Variants in ULK4 observed in about 807,000 individuals in gnomAD.
ULK4 encodes inactive serine/threonine-protein kinase ULK4.
Under a neutral mutation model 160.6 loss-of-function variants are expected in ULK4, and 133 were observed. The ratio of observed to expected loss-of-function variants is 0.83; its 90% confidence interval spans 0.72 to 0.96. ULK4 has a LOEUF of 0.96. Among genes scored for constraint, ULK4 ranks in the 40% least tolerant of loss-of-function variants. The pLI, the probability that ULK4 is intolerant of heterozygous loss-of-function variation, is 0.00. For synonymous variants in ULK4, 534 were observed against 539.8 expected, an observed-to-expected ratio of 0.99 and a Z score of 0.15; for missense variants, 1,580 against 1,499.5, an observed-to-expected ratio of 1.05 and a Z score of -0.89.
At chr3:41,753,729 C>T in intron 22 of ULK4, among the ~76,000 whole-genome samples, 1 of 152,212 alleles carries the variant, frequency 6.6e-6, no homozygotes, top group Non-Finnish European at 1.5e-5. Flanking sequence ...AAGGTACAAA[C>T]AAGAAACATC....
intron 31 of ULK4, among the ~76,000 whole-genome samples, chr3:41,613,685 C>G (rs2125680096): frequency 6.6e-6 from 1 of 152,264 alleles, no homozygotes; most frequent in East Asian, 1.9e-4. Context: ...TTATTCAACT[C>G]AAAAAAGACA....
intron 35 of ULK4, among the ~76,000 whole-genome samples, chr3:41,378,900 TTGTGGGGACATGGA>T: frequency 6.6e-6 from 1 of 152,214 alleles, no homozygotes; most frequent in Non-Finnish European, 1.5e-5. Context: ...TTCAAGTCCT[TTGTGGGGACATGGA>T]TGAAGCTGGA....
At chr3:41,795,416 TCTACTC>T (rs2040273884) in intron 20 of ULK4, among the ~76,000 whole-genome samples, 1 of 152,160 alleles carries the variant, frequency 6.6e-6, no homozygotes, top group Non-Finnish European at 1.5e-5. Context: ...ACCTCTGCCC[TCTACTC>T]ACACGTAGGG....
chr3:41,254,094 C>A (rs1166269264), intron 35 of ULK4, among the ~76,000 whole-genome samples: 1 of 152,120 alleles, frequency 6.6e-6, no homozygotes, highest in Non-Finnish European at 1.5e-5. Flanking sequence ...GATAAGTAGA[C>A]AAAAATCAGC....
At chr3:41,388,884 G>T (rs530767295) in intron 35 of ULK4, among the ~76,000 whole-genome samples, 34 of 152,068 alleles carry the variant, frequency 2.2e-4, no homozygotes, top group Non-Finnish European at 4.1e-4. Flanking sequence ...ATATGAACTT[G>T]AAAGTAGTTT....
At chr3:41,810,063 G>A (rs1389926616) in intron 19 of ULK4, among the ~76,000 whole-genome samples, 1 of 152,016 alleles carries the variant, frequency 6.6e-6, no homozygotes, top group Non-Finnish European at 1.5e-5. Context: ...CTCCACTATA[G>A]GTCTAATTCT....
At chr3:41,313,459 C>A (rs1575423243) in intron 35 of ULK4, among the ~76,000 whole-genome samples, 1 of 152,168 alleles carries the variant, frequency 6.6e-6, no homozygotes, top group Admixed American at 6.5e-5. Context: ...TATTAACATT[C>A]TTAAAGAATA....
At chr3:41,751,544 C>G (rs2038628663) in intron 22 of ULK4, among the ~76,000 whole-genome samples, 1 of 152,164 alleles carries the variant, frequency 6.6e-6, no homozygotes, top group African/African-American at 2.4e-5. Context: ...GAGTGGAGGT[C>G]AGTGTCAGGG....
At chr3:41,858,670 A>ATTTTT (rs755950925) in intron 17 of ULK4, among the ~76,000 whole-genome samples, 6 of 133,354 alleles carry the variant, frequency 4.5e-5, no homozygotes, top group East Asian at 2.2e-4. Flanking sequence ...TTTTTGTGTG[A>ATTTTT]TTTTTTTTTT....
intron 21 of ULK4, among the ~76,000 whole-genome samples, chr3:41,756,995 G>C (rs2038825447): frequency 1.3e-5 from 2 of 152,106 alleles, no homozygotes; most frequent in African/African-American, 2.4e-5. Flanking sequence ...CGTGAGAAAT[G>C]TAAATACAAA....
rs1227164933 is a variant in ULK4 at position 41,446,571 on chromosome 3, T to C, written c.3492+8926A>G. Among the ~76,000 whole-genome samples, 4 of 152,076 alleles carry C rather than the reference T, an allele frequency of 2.6e-5. No homozygotes were observed. In the East Asian group the frequency reaches 5.8e-4, roughly 22 times the overall value. On this transcript the variant is annotated intron_variant, in intron 34 of 36. Transcript: ENST00000301831. ...ATAAAAAAGGATGAGTTCATGTCCTTTGTAGGGACATGGATGAAGCTGGAA... is the reference window on the plus strand; with the variant it reads ...ATAAAAAAGGATGAGTTCATGTCCTCTGTAGGGACATGGATGAAGCTGGAA...
At chr3:41,618,596 G>C (rs932668341) in intron 30 of ULK4, among the ~76,000 whole-genome samples, 1 of 152,098 alleles carries the variant, frequency 6.6e-6, no homozygotes, top group East Asian at 1.9e-4. Context: ...TCACTACCAG[G>C]CCTGCTTTAC....
chr3:41,913,147 AG>A (rs948357744), intron 8 of ULK4: 18 of 312,926 alleles, frequency 5.8e-5, no homozygotes, highest in African/African-American at 3.2e-4. Flanking sequence ...TAGAAGTTTC[AG>A]GGTTCAAATT....
Position 41,896,724 on chromosome 3 carries a change from T to A in ULK4, c.1530+98A>T, listed in dbSNP as rs796779753. On this transcript the variant is annotated intron_variant, in intron 15 of 36. Coordinates refer to ENST00000301831, the MANE Select transcript of ULK4 (RefSeq NM_017886.4). ...AAACCTAAAATCGTGATAAATCAGT[T>A]TTTTTGTGGTAGTTAAATCAAATTG... The A allele has an allele frequency of 7.4e-6, 10 of 1,359,260 alleles. No homozygotes were observed. The African/African-American group carries it at 1.4e-4, about 20-fold the overall frequency. 84.2% of individuals were successfully genotyped at this position (1,359,260 alleles called of 1,614,324 possible).
intron 1 of ULK4, 149 bp from the exon 2 acceptor site, chr3:41,954,956 G>C: frequency 1.8e-6 from 1 of 567,980 alleles, no homozygotes; most frequent in South Asian, 2.6e-5. Context: ...AAATACTAAT[G>C]CTGATATTTT....
At chr3:41,412,332 T>C (rs547488780) in intron 34 of ULK4, among the ~76,000 whole-genome samples, 2 of 151,764 alleles carry the variant, frequency 1.3e-5, no homozygotes, top group South Asian at 2.1e-4. Flanking sequence ...TAACTTGATG[T>C]TGTTCCCAAT....
At chr3:41,613,371 A>G (rs887464048) in intron 31 of ULK4, among the ~76,000 whole-genome samples, 2 of 152,202 alleles carry the variant, frequency 1.3e-5, no homozygotes, top group African/African-American at 4.8e-5. Flanking sequence ...TTTTTATAAT[A>G]TATCACTTTT....
intron 35 of ULK4, among the ~76,000 whole-genome samples, chr3:41,328,085 T>C (rs1278744489): frequency 1.3e-5 from 2 of 152,100 alleles, no homozygotes; most frequent in Non-Finnish European, 2.9e-5. Flanking sequence ...TGCAAAATGA[T>C]CTGAAGAGTG....
intron 17 of ULK4, among the ~76,000 whole-genome samples, chr3:41,877,977 G>C (rs1205176357): frequency 2.7e-5 from 4 of 149,710 alleles, no homozygotes; most frequent in Non-Finnish European, 4.4e-5. Context: ...GCAAAACTCT[G>C]TCTCAATAAA....
Sources: allele counts gnomAD v4.1 joint callset (sites outside exome capture counted in the v4.1 genomes callset), GRCh38; gene constraint gnomAD v4.1.1; transcripts MANE v1.5; gene names NCBI Gene and HGNC (gene_info 2026-07-23, HGNC 2026-07-21).